Variants in TBCD observed in about 807,000 individuals in gnomAD.
TBCD encodes tubulin folding cofactor D.
TBCD carries 105 observed loss-of-function variants against 169.3 expected under a neutral mutation model. That is an observed-to-expected ratio of 0.62 (90% CI 0.53 to 0.73). The LOEUF (loss-of-function observed/expected upper bound fraction) is 0.73, where lower values mean the gene tolerates loss of function less well. Ranked by LOEUF, TBCD falls within the 30% of genes least tolerant of loss-of-function variation. The probability of loss-of-function intolerance (pLI) is 0.00; values close to 1 mark genes in which losing one functional copy is unlikely to be tolerated. For missense variants in TBCD, 1,444 were observed against 1,600.1 expected, an observed-to-expected ratio of 0.90 and a Z score of 1.66; for synonymous variants, 700 against 643.9, an observed-to-expected ratio of 1.09 and a Z score of -1.32.
chr17:82,936,091 C>T (rs1201672123), intron 34 of TBCD, among the ~76,000 whole-genome samples: 1 of 152,214 alleles, frequency 6.6e-6, no homozygotes, highest in Non-Finnish European at 1.5e-5. Context: ...GGGTTTCCCA[C>T]CCCCTGCCCA....
chr17:82,905,983 A>C lies in TBCD; in HGVS notation c.1852A>C (p.Arg618=). The change falls in exon 20 of 39, where the codon AGG becomes CGG. Residue 618 remains arginine, a synonymous_variant. Transcript: ENST00000355528. The part of the protein sequence containing the change: ...SMTLSPDLHM[R]HGSILACAEV... The stretch of plus-strand genomic sequence containing the variant: ...GACACTGAGTCCAGATCTTCACATG[A>C]GGCATGGGTCGATTCTCGCCTGCGC... 6.2e-7 allele frequency: 1 copy of C among 1,613,286 alleles called. No homozygotes were observed. Among genetic ancestry groups the C allele is most frequent in the Non-Finnish European group, 8.5e-7 (1 of 1,179,598 alleles).
intron 12 of TBCD, among the ~76,000 whole-genome samples, chr17:82,814,330 C>T (rs79053270): frequency 0.033 from 5,060 of 152,218 alleles, 142 homozygotes; most frequent in African/African-American, 0.078. Flanking sequence ...GGGTGTTGCC[C>T]GTACTTGGAG....
At chr17:82,897,731 T>C (rs1178041978) in intron 17 of TBCD, among the ~76,000 whole-genome samples, 1 of 152,120 alleles carries the variant, frequency 6.6e-6, no homozygotes, top group Non-Finnish European at 1.5e-5. Context: ...TCGCTGGGGC[T>C]CCCCCGTTTT....
chr17:82,781,360 T>C (rs1289233842), intron 6 of TBCD, among the ~76,000 whole-genome samples: 1 of 149,924 alleles, frequency 6.7e-6, no homozygotes, highest in African/African-American at 2.5e-5. Flanking sequence ...GAGGTTGTGG[T>C]GGGGAACCGG....
intron 20 of TBCD, 84 bp downstream of exon 20, chr17:82,906,137 C>T (rs2060234055): frequency 9.6e-7 from 1 of 1,040,886 alleles, no homozygotes; most frequent in East Asian, 2.6e-5. Flanking sequence ...CAGTTCGAGA[C>T]TCTCTCATCC....
At chr17:82,888,065 T>C (rs1207172987) in intron 15 of TBCD, among the ~76,000 whole-genome samples, 1 of 152,240 alleles carries the variant, frequency 6.6e-6, no homozygotes, top group Non-Finnish European at 1.5e-5. Flanking sequence ...GGCAAGAGTT[T>C]TTAATTTTTT....
intron 29 of TBCD, among the ~76,000 whole-genome samples, 176 bp from the exon 30 acceptor site, chr17:82,927,729 C>T (rs922796278): frequency 5.3e-5 from 8 of 152,132 alleles, no homozygotes; most frequent in Admixed American, 1.3e-4. Flanking sequence ...CTGCACACGT[C>T]CCTGTAGCGC....
intron 30 of TBCD, among the ~76,000 whole-genome samples, chr17:82,928,841 A>G (rs1056906257): frequency 3.3e-5 from 5 of 152,120 alleles, no homozygotes; most frequent in South Asian, 4.2e-4. Flanking sequence ...ATCAGCACGC[A>G]TGTAACACGT....
At chr17:82,814,114 A>C (rs545470658) in intron 12 of TBCD, among the ~76,000 whole-genome samples, 1 of 152,358 alleles carries the variant, frequency 6.6e-6, no homozygotes, top group African/African-American at 2.4e-5. Flanking sequence ...GCAATTGTTC[A>C]TTAAAAGTTC....
chr17:82,911,769 G>A lies in TBCD; in HGVS notation c.2018G>A (p.Gly673Glu). 1.2e-6 allele frequency: 2 copies of A among 1,613,918 alleles called. No individual in the cohort carries two copies. The highest frequency in any genetic ancestry group is 1.7e-6 in the Non-Finnish European group (2 of 1,179,860). The change falls in exon 23 of 39, where the codon GGA becomes GAA. Residue 673 changes from glycine (G) to glutamate (E), a missense_variant. Transcript: ENST00000355528. The part of the protein sequence containing the change: ...YDRQLYRGLG[G>E]QLMRQAVCVL... Reference sequence around the variant, plus strand: ...TCATTCCTTTTCAGGGGTCTGGGAGGACAGCTCATGAGACAAGCAGGTAAG... The same window carrying A: ...TCATTCCTTTTCAGGGGTCTGGGAGAACAGCTCATGAGACAAGCAGGTAAG...
intron 33 of TBCD, among the ~76,000 whole-genome samples, chr17:82,931,528 G>A (rs961133395): frequency 6.6e-6 from 1 of 150,926 alleles, no homozygotes. Flanking sequence ...CTTGCCGTTC[G>A]CTCATTCCTC....
At chr17:82,836,906 G>A (rs899034146) in intron 13 of TBCD, among the ~76,000 whole-genome samples, 3 of 152,168 alleles carry the variant, frequency 2.0e-5, no homozygotes, top group African/African-American at 2.4e-5. Context: ...GTTAGTTCAC[G>A]TAAGCGGGTG....
intron 13 of TBCD, among the ~76,000 whole-genome samples, chr17:82,850,947 A>G (rs939453175): frequency 4.6e-5 from 7 of 152,256 alleles, no homozygotes; most frequent in African/African-American, 1.7e-4. Flanking sequence ...CGCACATTAC[A>G]TACTGTGTGT....
rs1284192515 is a variant in TBCD at position 82,909,312 on chromosome 17, G to A, written c.2006+5G>A. On this transcript the variant is annotated splice_donor_5th_base_variant and intron_variant, in intron 22 of 38. Transcript: ENST00000355528. Reference sequence around the variant, plus strand: ...CTATGATCGTCAGTTATACAGGTGAGCTTTACAAAACCAAAGTTCTTATAT... The same window carrying A: ...CTATGATCGTCAGTTATACAGGTGAACTTTACAAAACCAAAGTTCTTATAT... The A allele has an allele frequency of 1.3e-6, 2 of 1,522,808 alleles. No homozygotes were observed. Among genetic ancestry groups the A allele is most frequent in the Non-Finnish European group, 1.8e-6 (2 of 1,122,734 alleles). The allele number at this position is 1,522,808 out of a possible 1,614,324, so 94.3% of individuals were successfully genotyped here. A position where few individuals can be genotyped will look rare whatever the true frequency, so the allele number is the denominator to read the frequency against.
intron 14 of TBCD, among the ~76,000 whole-genome samples, chr17:82,883,145 C>T (rs1201470265): frequency 3.9e-5 from 6 of 152,272 alleles, no homozygotes; most frequent in Admixed American, 1.3e-4. Context: ...CATGTTGACG[C>T]GGGCCCCGCC....
chr17:82,846,156 G>C (rs1325217509), intron 13 of TBCD, among the ~76,000 whole-genome samples: 1 of 141,708 alleles, frequency 7.1e-6, no homozygotes, highest in African/African-American at 2.6e-5. Flanking sequence ...GGACTGGGAG[G>C]CTTAGGGGGT....
At chr17:82,927,107 AAC>A in intron 28 of TBCD, 77 bp from the exon 29 acceptor site, 1 of 1,581,394 alleles carries the variant, frequency 6.3e-7, no homozygotes, top group South Asian at 1.2e-5. Context: ...CAGGATCAGG[AAC>A]ACACATCAGC....
chr17:82,798,130 C>T (rs1362129523), intron 8 of TBCD, among the ~76,000 whole-genome samples: 1 of 149,276 alleles, frequency 6.7e-6, no homozygotes, highest in Admixed American at 6.7e-5. Context: ...GTGCCTGCCA[C>T]CATGCCCAGC....
At chr17:82,781,526 G>T in intron 6 of TBCD, 63 bp from the exon 7 acceptor site, 1 of 1,590,438 alleles carries the variant, frequency 6.3e-7, no homozygotes. Context: ...TGTGGGGTGG[G>T]CTGGTGAGGC....
Sources: allele counts gnomAD v4.1 joint callset (sites outside exome capture counted in the v4.1 genomes callset), GRCh38; gene constraint gnomAD v4.1.1; transcripts MANE v1.5; gene names NCBI Gene and HGNC (gene_info 2026-07-23, HGNC 2026-07-21).